FXR1: variants seen among roughly 807,000 people sequenced by gnomAD.
FXR1 encodes the protein RNA-binding protein FXR1.
A neutral mutation model predicts 84.0 loss-of-function variants in FXR1; 15 were observed. The ratio of observed to expected loss-of-function variants is 0.18; its 90% CI spans 0.12 to 0.27. The LOEUF (loss-of-function observed/expected upper bound fraction) is 0.27, where lower values mean the gene tolerates loss of function less well. Among genes scored for constraint, FXR1 ranks in the 10% least tolerant of loss-of-function variants. FXR1 has a pLI of 1.00. For missense variants in FXR1, 480 were observed against 774.4 expected (o/e 0.62, Z 4.51); for synonymous variants, 245 against 250.7 (o/e 0.98, Z 0.21).
intron 1 of FXR1, chr3:180,927,706 A>G (rs999979599): frequency 4.2e-6 from 2 of 480,456 alleles, no homozygotes; most frequent in Non-Finnish European, 7.3e-6. Flanking sequence ...GGTAGGATCT[A>G]CAAGACACAA....
intron 5 of FXR1, 93 bp downstream of exon 5, chr3:180,948,588 C>A: frequency 9.5e-7 from 1 of 1,056,766 alleles, no homozygotes; most frequent in Non-Finnish European, 1.4e-6. Context: ...ATCAAACCTT[C>A]TGATGGAAAA....
At chr3:180,959,095 C>T (rs956481479) in intron 10 of FXR1, among the ~76,000 whole-genome samples, 8 of 151,818 alleles carry the variant, frequency 5.3e-5, no homozygotes, top group Admixed American at 3.9e-4. Context: ...CGTGAGCCAC[C>T]GTGCCCGGCC....
chr3:180,977,532 C>CA lies in FXR1; in HGVS notation c.*1245dup, dbSNP rs1208152278. 9 of 151,934 alleles carry CA rather than the reference C, an allele frequency of 5.9e-5. No homozygotes were observed. Among genetic ancestry groups the CA allele is most frequent in the Non-Finnish European group, 1.2e-4 (8 of 67,928 alleles). The allele number at this position is 151,934 out of a possible 1,614,324, so 9.4% of individuals were successfully genotyped here. ...TTTTGAAGGCTCTCATATCAGTGAC[C>CA]AAAAATCAGTTATTAAACTTTATGT... is the stretch of plus-strand genomic sequence containing the variant. On this transcript the variant is annotated 3_prime_UTR_variant, in exon 17 of 17. Transcript: ENST00000357559.
chr3:180,975,378 A>G lies in FXR1; in HGVS notation c.1669A>G (p.Thr557Ala), dbSNP rs1393757549. Reference sequence around the variant, plus strand: ...CAGACAAAGAAACCTCCCAAGGGAAACTTTGGCTAAAAACAAGAAAGAAAT... The same window carrying G: ...CAGACAAAGAAACCTCCCAAGGGAAGCTTTGGCTAAAAACAAGAAAGAAAT... The part of the protein sequence containing the change: ...QSRQRNLPRE[T>A]LAKNKKEMAK... Residue 557 changes from threonine to alanine, a missense_variant, in exon 16 of 17, where the codon ACT (threonine) becomes GCT (alanine). Physicochemically the swap from Thr to Ala is moderately conservative, Grantham distance 58. This residue lies in a region of FXR1 where 94 missense variants were observed against 81.8 expected (regional missense o/e 1.15). Coordinates refer to ENST00000357559, the MANE Select transcript of FXR1 (RefSeq NM_005087.4). 1 of 1,513,352 alleles carries G rather than the reference A, an allele frequency of 6.6e-7. No homozygotes were observed. Among genetic ancestry groups the G allele is most frequent in the Non-Finnish European group, 9.1e-7 (1 of 1,100,074 alleles). 93.7% of individuals were successfully genotyped at this position (1,513,352 alleles called of 1,614,324 possible).
intron 7 of FXR1, among the ~76,000 whole-genome samples, chr3:180,950,782 T>C (rs542476502): frequency 6.6e-6 from 1 of 152,328 alleles, no homozygotes; most frequent in South Asian, 2.1e-4. Context: ...GGTTCATCTA[T>C]GTAGCATGTG....
At chr3:180,917,745 G>C (rs1304863893) in intron 1 of FXR1, among the ~76,000 whole-genome samples, 1 of 151,936 alleles carries the variant, frequency 6.6e-6, no homozygotes. Flanking sequence ...TCAGGAGTTC[G>C]AGACCAGCCT....
chr3:180,936,977 G>T (rs1243563714), intron 3 of FXR1, among the ~76,000 whole-genome samples: 1 of 152,226 alleles, frequency 6.6e-6, no homozygotes, highest in Non-Finnish European at 1.5e-5. Flanking sequence ...AGTGACTGCT[G>T]CAAATCAAGG....
chr3:180,944,987 T>A (rs1285947322), intron 3 of FXR1, among the ~76,000 whole-genome samples: 1 of 152,236 alleles, frequency 6.6e-6, no homozygotes, highest in Non-Finnish European at 1.5e-5. Context: ...TTTTCCAGGT[T>A]TTGATGATAT....
At chr3:180,930,203 C>T (rs547359449) in intron 1 of FXR1, among the ~76,000 whole-genome samples, 1 of 151,870 alleles carries the variant, frequency 6.6e-6, no homozygotes, top group South Asian at 2.1e-4. Flanking sequence ...TTGGAGGTTG[C>T]GGCCAGCTGA....
chr3:180,924,105 T>A (rs1393388942), intron 1 of FXR1, among the ~76,000 whole-genome samples: 2 of 152,126 alleles, frequency 1.3e-5, no homozygotes, highest in Admixed American at 1.3e-4. Context: ...ACTTCAGGTG[T>A]GTACCACCAT....
intron 3 of FXR1, among the ~76,000 whole-genome samples, chr3:180,938,989 G>A (rs563319690): frequency 3.3e-5 from 5 of 151,956 alleles, no homozygotes; most frequent in East Asian, 1.9e-4. Flanking sequence ...TCCACCTCCC[G>A]ATTTTAAGTG....
At chr3:180,958,002 G>T in intron 10 of FXR1, 74 bp downstream of exon 10, 1 of 652,386 alleles carries the variant, frequency 1.5e-6, no homozygotes, top group Non-Finnish European at 2.7e-6. Context: ...TAAACATTTT[G>T]TCTGTTTTAT....
Position 180,979,849 on chromosome 3 carries a change from ATT to A in FXR1, c.*3559_*3560del, listed in dbSNP as rs1374235487. ...TTTTTAAAAAGTTTATCAGTGTATC[ATT>A]TCAGATTCATCTGTATCTTCTGTAA... On this transcript the variant is annotated 3_prime_UTR_variant, in exon 17 of 17. Transcript: ENST00000357559. The A allele has an allele frequency of 1.3e-5, 2 of 152,056 alleles. No individual in the cohort carries two copies. Among genetic ancestry groups the A allele is most frequent in the African/African-American group, 4.8e-5 (2 of 41,434 alleles). 9.4% of individuals were successfully genotyped at this position (152,056 alleles called of 1,614,324 possible). A position where few individuals can be genotyped will look rare whatever the true frequency, so the allele number is the denominator to read the frequency against.
intron 16 of FXR1, 66 bp downstream of exon 16, chr3:180,975,470 T>C: frequency 1.6e-6 from 1 of 606,544 alleles, no homozygotes; most frequent in Non-Finnish European, 2.9e-6. Context: ...GCTTTATTTT[T>C]TTACTACTTT....
chr3:180,939,143 C>G (rs1243112706), intron 3 of FXR1, among the ~76,000 whole-genome samples: 1 of 152,054 alleles, frequency 6.6e-6, no homozygotes, highest in African/African-American at 2.4e-5. Flanking sequence ...GAACACCCGC[C>G]TCGGCCTCCC....
intron 1 of FXR1, among the ~76,000 whole-genome samples, chr3:180,918,007 G>T (rs1333019322): frequency 1.3e-5 from 2 of 150,480 alleles, no homozygotes; most frequent in South Asian, 2.1e-4. Flanking sequence ...AAAGTTTTGT[G>T]TTTTGTATTA....
At chr3:180,929,018 A>G (rs1719573271) in intron 1 of FXR1, among the ~76,000 whole-genome samples, 1 of 151,682 alleles carries the variant, frequency 6.6e-6, no homozygotes, top group Non-Finnish European at 1.5e-5. Context: ...ACCTCCTGGG[A>G]TCAAGTGATT....
At chr3:180,920,584 T>C (rs1718463085) in intron 1 of FXR1, among the ~76,000 whole-genome samples, 1 of 151,456 alleles carries the variant, frequency 6.6e-6, no homozygotes, top group Non-Finnish European at 1.5e-5. Flanking sequence ...CAATCTTGGC[T>C]CACTGCAACC....
At position 180,935,146 on chromosome 3, in the gene FXR1, C is replaced by T. The variant is rs1720374124; in HGVS notation, c.113C>T (p.Pro38Leu). 1 of 1,554,190 alleles carries T rather than the reference C, an allele frequency of 6.4e-7. No individual in the cohort carries two copies. Among genetic ancestry groups the T allele is most frequent in the African/African-American group, 1.4e-5 (1 of 73,586 alleles). The change falls in exon 3 of 17, where the codon CCA becomes CTA. Residue 38 changes from proline (P) to leucine (L), a missense_variant. Around this residue, in one of 6 missense-constraint regions of FXR1, gnomAD observed 54 missense variants for 74.2 expected, o/e 0.73. Coordinates refer to ENST00000357559, the MANE Select transcript of FXR1 (RefSeq NM_005087.4). ...CTTTTCTAATCCTTCAGTTGGCAAC[C>T]AGAACGCCAGGTTCCATTTAATGAA... Reference protein sequence around the residue: ...LTVVFENNWQPERQVPFNEVR... With the variant: ...LTVVFENNWQLERQVPFNEVR...
Sources: allele counts gnomAD v4.1 joint callset (sites outside exome capture counted in the v4.1 genomes callset), GRCh38; gene constraint gnomAD v4.1.1; regional missense constraint gnomAD v4.1.1; transcripts MANE v1.5; gene names NCBI Gene and HGNC (gene_info 2026-07-23, HGNC 2026-07-21).